The following UMAD1 variants were observed in gnomAD, a reference collection of about 807,000 sequenced individuals.
The protein encoded by UMAD1 is UBAP1-MVB12-associated (UMA)-domain containing protein 1.
Under a neutral mutation model 6.1 loss-of-function variants are expected in UMAD1, and 8 were observed. The observed-to-expected ratio is 1.30, with a 90% CI of 0.76 to 2.35. The LOEUF is 2.35. Among genes scored for constraint, UMAD1 ranks in the 30% most tolerant of loss-of-function variants. UMAD1 has a pLI of 0.00. For missense variants in UMAD1, 130 were observed against 78.4 expected (o/e 1.66, Z -2.49); for synonymous variants, 56 against 31.4 (o/e 1.78, Z -2.61).
intron 2 of UMAD1, among the ~76,000 whole-genome samples, chr7:7,759,488 C>G (rs1403304859): frequency 2.6e-5 from 4 of 152,326 alleles, no homozygotes; most frequent in South Asian, 4.1e-4. Context: ...TGAGAATTTA[C>G]AAGGCCACGG....
chr7:7,751,996 A>C (rs1781686793), intron 2 of UMAD1, among the ~76,000 whole-genome samples: 1 of 152,192 alleles, frequency 6.6e-6, no homozygotes. Flanking sequence ...TTTAAACTAT[A>C]GTTTGAAAGA....
chr7:7,718,744 A>G (rs757139115), intron 2 of UMAD1: 5 of 152,214 alleles, frequency 3.3e-5, no homozygotes, highest in Admixed American at 6.5e-5. Flanking sequence ...AGTTAAAAAG[A>G]CCTGCATGAG....
rs28915993 is a variant in UMAD1 at position 7,671,838 on chromosome 7, A to C, written c.-63-1471A>C. ...TTTTGTATCTATTACTATATCCAGT[A>C]AGCACTTTCTTTAAGGATTTCAGAA... On this transcript the variant is annotated intron_variant, in intron 1 of 3. Transcript: ENST00000682710. Among the ~76,000 whole-genome samples, 688 of 152,254 alleles carry C rather than the reference A, an allele frequency of 4.5e-3. 7 individuals are homozygous for C. The highest frequency in any genetic ancestry group is 0.016 in the African/African-American group (662 of 41,546).
chr7:7,718,424 T>G (rs1238018197), intron 2 of UMAD1: 4 of 152,232 alleles, frequency 2.6e-5, no homozygotes, highest in African/African-American at 9.6e-5. Flanking sequence ...ATGCATAATC[T>G]AAACTTGACT....
chr7:7,843,389 C>T (rs1017577055), intron 3 of UMAD1, among the ~76,000 whole-genome samples: 8 of 152,068 alleles, frequency 5.3e-5, no homozygotes, highest in African/African-American at 1.9e-4. Flanking sequence ...GAATAGTAAA[C>T]CTGTTTTAAA....
At chr7:7,783,702 AAGT>A in intron 2 of UMAD1, among the ~76,000 whole-genome samples, 1 of 152,352 alleles carries the variant, frequency 6.6e-6, no homozygotes, top group East Asian at 1.9e-4. Flanking sequence ...CCTTAAAAGA[AAGT>A]AGAAACAAAG....
intron 3 of UMAD1, among the ~76,000 whole-genome samples, chr7:7,860,093 A>C (rs1784085991): frequency 6.6e-6 from 1 of 152,192 alleles, no homozygotes; most frequent in Admixed American, 6.5e-5. Context: ...TACCCTTATA[A>C]TAACCACAGA....
chr7:7,650,551 G>A (rs372630876), intron 1 of UMAD1, among the ~76,000 whole-genome samples: 10 of 152,270 alleles, frequency 6.6e-5, no homozygotes, highest in African/African-American at 1.9e-4. Flanking sequence ...GATGGCTGCA[G>A]GACAGTGTGA....
At chr7:7,669,488 TTAAGA>T (rs1195225605) in intron 1 of UMAD1, among the ~76,000 whole-genome samples, 2 of 152,186 alleles carry the variant, frequency 1.3e-5, no homozygotes, top group Non-Finnish European at 2.9e-5. Context: ...TATCATGGGA[TTAAGA>T]TAAGCTGATG....
At chr7:7,786,948 G>GGTTA (rs1782472782) in intron 2 of UMAD1, among the ~76,000 whole-genome samples, 1 of 152,182 alleles carries the variant, frequency 6.6e-6, no homozygotes, top group Non-Finnish European at 1.5e-5. Context: ...TAAAACAGCT[G>GGTTA]GTTAGTTAAT....
intron 2 of UMAD1, among the ~76,000 whole-genome samples, chr7:7,691,744 T>C (rs1358458817): frequency 6.6e-6 from 1 of 152,238 alleles, no homozygotes; most frequent in Admixed American, 6.5e-5. Context: ...CCTAATTTAT[T>C]CTAATCTTTA....
chr7:7,863,241 C>T (rs1049820233), intron 3 of UMAD1, among the ~76,000 whole-genome samples: 1 of 152,186 alleles, frequency 6.6e-6, no homozygotes, highest in East Asian at 1.9e-4. Flanking sequence ...GTGATAGTCA[C>T]TAACCTCTGA....
intron 2 of UMAD1, among the ~76,000 whole-genome samples, chr7:7,782,532 A>G (rs1162672127): frequency 1.3e-5 from 2 of 151,812 alleles, no homozygotes; most frequent in Admixed American, 6.6e-5. Context: ...CAATTTTTAA[A>G]ATTTTTTTTA....
chr7:7,861,588 C>T (rs1281959458), intron 3 of UMAD1, among the ~76,000 whole-genome samples: 1 of 152,192 alleles, frequency 6.6e-6, no homozygotes, highest in Non-Finnish European at 1.5e-5. Flanking sequence ...TTTAATTAGT[C>T]TACCCTCATA....
chr7:7,710,772 C>G (rs1183307404), intron 2 of UMAD1, among the ~76,000 whole-genome samples: 3 of 152,108 alleles, frequency 2.0e-5, no homozygotes, highest in Admixed American at 1.3e-4. Context: ...ATAATAGACC[C>G]AAACTGGATA....
chr7:7,836,022 A>G (rs1032232376), intron 3 of UMAD1, among the ~76,000 whole-genome samples: 16 of 152,044 alleles, frequency 1.1e-4, no homozygotes, highest in African/African-American at 3.4e-4. Flanking sequence ...TGAGAAATTT[A>G]ATCATCCACG....
At chr7:7,818,756 C>G (rs1783181213) in intron 3 of UMAD1, among the ~76,000 whole-genome samples, 2 of 152,206 alleles carry the variant, frequency 1.3e-5, no homozygotes, top group African/African-American at 4.8e-5. Flanking sequence ...GACATGGAAT[C>G]AACCTCCATG....
At position 7,830,660 on chromosome 7, in the gene UMAD1, T is replaced by G. The variant is rs1418605668; in HGVS notation, c.156+28917T>G. Among the ~76,000 whole-genome samples, 1 of 152,160 alleles carries G rather than the reference T, an allele frequency of 6.6e-6. No individual in the cohort carries two copies. Among genetic ancestry groups the G allele is most frequent in the Non-Finnish European group, 1.5e-5 (1 of 68,014 alleles). On this transcript the variant is annotated intron_variant, in intron 3 of 3. Coordinates refer to ENST00000682710, the MANE Select transcript of UMAD1 (RefSeq NM_001302348.2). The surrounding 1 kb of genome is among the most constrained non-coding windows in gnomAD (Gnocchi z 5.3). ...CATTTTCCTTGTCCCAGACTTTCTA[T>G]TTCAATGGTTTTCTTTATTCTAATG...
At chr7:7,732,530 C>T (rs1411370448) in intron 2 of UMAD1, among the ~76,000 whole-genome samples, 1 of 152,068 alleles carries the variant, frequency 6.6e-6, no homozygotes, top group Non-Finnish European at 1.5e-5. Flanking sequence ...ATCAGTGTGC[C>T]TAAGACTTTA....
Sources: gnomAD v4.1 joint callset for allele counts (sites outside exome capture counted in the v4.1 genomes callset) on GRCh38, gnomAD v4.1.1 for gene constraint, Gnocchi (gnomAD v3.1) non-coding constraint, MANE v1.5 for transcripts, NCBI Gene and HGNC (gene_info 2026-07-23, HGNC 2026-07-21) for gene names.